The following MMD2 variants were observed in gnomAD, a reference collection of about 807,000 sequenced individuals.
MMD2 encodes monocyte to macrophage differentiation factor 2.
MMD2 carries 30 observed loss-of-function variants against 33.5 expected under a neutral mutation model. That is an observed-to-expected ratio of 0.90 (90% confidence interval 0.67 to 1.22). MMD2 has a LOEUF of 1.22. Among genes scored for constraint, MMD2 ranks in the 50% most tolerant of loss-of-function variants. The pLI, the probability that MMD2 is intolerant of heterozygous loss-of-function variation, is 0.00. For synonymous variants in MMD2, 129 were observed against 123.0 expected, an observed-to-expected ratio of 1.05 and a Z score of -0.32; for missense variants, 364 against 325.4, an observed-to-expected ratio of 1.12 and a Z score of -0.91.
Position 4,929,284 on chromosome 7 carries a change from G to A in MMD2, c.48-3752C>T, listed in dbSNP as rs200575651. The stretch of plus-strand genomic sequence containing the variant: ...CTAAGACCCCTGGGGCCAGGCTTCT[G>A]CAGCAAGCCAGAGAGACACCAACCC... On this transcript the variant is annotated intron_variant, in intron 1 of 6. Coordinates refer to ENST00000401401, the MANE Select transcript of MMD2 (RefSeq NM_198403.4). Among the ~76,000 whole-genome samples, 12 of 152,210 alleles carry A rather than the reference G, an allele frequency of 7.9e-5. No homozygotes were observed. The South Asian group carries it at 1.7e-3, about 21-fold the overall frequency.
chr7:4,904,794 A>C (rs774739389), downstream of MMD2, among the ~76,000 whole-genome samples: 1 of 152,118 alleles, frequency 6.6e-6, no homozygotes, highest in Non-Finnish European at 1.5e-5. Flanking sequence ...ATTTGATCCC[A>C]AGTCCAGCAA....
chr7:4,953,171 C>G (rs1786295168), intron 1 of MMD2, among the ~76,000 whole-genome samples: 1 of 151,826 alleles, frequency 6.6e-6, no homozygotes, highest in African/African-American at 2.4e-5. Context: ...CCCATCTCAC[C>G]TGGACGTATT....
Position 4,907,288 on chromosome 7 carries a change from C to T in MMD2, c.*108G>A, listed in dbSNP as rs1784887015. 3.7e-6 allele frequency: 4 copies of T among 1,086,074 alleles called. No individual in the cohort carries two copies. The highest frequency in any genetic ancestry group is 4.1e-6 in the Non-Finnish European group (3 of 724,152). 67.3% of individuals were successfully genotyped at this position (1,086,074 alleles called of 1,614,324 possible). A position where few individuals can be genotyped will look rare whatever the true frequency, so the allele number is the denominator to read the frequency against. On this transcript the variant is annotated 3_prime_UTR_variant, in exon 7 of 7. Coordinates refer to ENST00000401401, the MANE Select transcript of MMD2 (RefSeq NM_198403.4). Reference sequence around the variant, plus strand: ...GAAGTCACCTTGGAGCCATCAAGAACTCTACCCAATAAAGGGAAGACAGGC... The same window carrying T: ...GAAGTCACCTTGGAGCCATCAAGAATTCTACCCAATAAAGGGAAGACAGGC...
Position 4,906,637 on chromosome 7 carries a change from C to T in MMD2, c.*759G>A, listed in dbSNP as rs780505198. ...GAACATCAGGGGCTGCATGGGTGTG[C>T]GCCTCAGTTTCCCTCTACCGCCCCC... is the stretch of plus-strand genomic sequence containing the variant. On this transcript the variant is annotated 3_prime_UTR_variant, in exon 7 of 7. Coordinates refer to ENST00000401401, the MANE Select transcript of MMD2 (RefSeq NM_198403.4). 2.0e-4 allele frequency: 79 copies of T among 398,092 alleles called. No individual in the cohort carries two copies. The highest frequency in any genetic ancestry group is 1.0e-3 in the South Asian group (8 of 7,788). 24.7% of individuals were successfully genotyped at this position (398,092 alleles called of 1,614,324 possible).
intron 4 of MMD2, among the ~76,000 whole-genome samples, chr7:4,914,785 G>A (rs58057613): frequency 1.3e-5 from 2 of 152,200 alleles, no homozygotes; most frequent in East Asian, 3.9e-4. Context: ...ACAAAAATTA[G>A]CAGGGTATGG....
intron 1 of MMD2, among the ~76,000 whole-genome samples, chr7:4,957,260 G>A (rs982028913): frequency 2.6e-5 from 4 of 151,724 alleles, no homozygotes; most frequent in Non-Finnish European, 5.9e-5. Flanking sequence ...CAGGAGGATC[G>A]CTCAAGCCCA....
chr7:4,932,129 T>C (rs987319954), intron 1 of MMD2, among the ~76,000 whole-genome samples: 1 of 152,194 alleles, frequency 6.6e-6, no homozygotes, highest in African/African-American at 2.4e-5. Flanking sequence ...CCCAGGGTGA[T>C]GTCACGGTTG....
chr7:4,951,236 C>T (rs1395427031), intron 1 of MMD2, among the ~76,000 whole-genome samples: 2 of 152,084 alleles, frequency 1.3e-5, no homozygotes, highest in African/African-American at 4.8e-5. Context: ...TAGCTTCTGT[C>T]CCTTTATTTT....
chr7:4,957,808 A>T (rs1231066215), intron 1 of MMD2, among the ~76,000 whole-genome samples: 1 of 152,188 alleles, frequency 6.6e-6, no homozygotes, highest in African/African-American at 2.4e-5. Context: ...AGGGGGAAAC[A>T]GAGGGTGAGA....
At chr7:4,893,438 C>T in the MMD2 span, among the ~76,000 whole-genome samples, 1 of 151,852 alleles carries the variant, frequency 6.6e-6, no homozygotes, top group South Asian at 2.1e-4. Context: ...GTCACTCAGG[C>T]TGGAGTGCAG....
chr7:4,905,294 A>AGAAGAG (rs60507729), downstream of MMD2, among the ~76,000 whole-genome samples: 29 of 148,346 alleles, frequency 2.0e-4, no homozygotes, highest in East Asian at 4.0e-4. This position sits in a 1 kb window ranked among gnomAD's most constrained non-coding sequence, Gnocchi z 5.0. Context: ...AAGAAGAAGA[A>AGAAGAG]GAAGAGGAAG....
At chr7:4,953,396 A>T (rs148219408) in intron 1 of MMD2, among the ~76,000 whole-genome samples, 40 of 149,406 alleles carry the variant, frequency 2.7e-4, no homozygotes, top group Middle Eastern at 3.4e-3. Flanking sequence ...ATAAAACCCA[A>T]TTCCAATTCT....
chr7:4,958,619 C>T (rs1018512379), intron 1 of MMD2, among the ~76,000 whole-genome samples: 1 of 152,214 alleles, frequency 6.6e-6, no homozygotes, highest in Non-Finnish European at 1.5e-5. Context: ...CTGGCCTGGG[C>T]TCCAGGCGCT....
At chr7:4,947,943 C>T (rs1786137303) in intron 1 of MMD2, among the ~76,000 whole-genome samples, 2 of 151,998 alleles carry the variant, frequency 1.3e-5, no homozygotes, top group Non-Finnish European at 2.9e-5. Context: ...GGTGATCCAC[C>T]CACCTCAGCC....
At chr7:4,921,358 C>T (rs1257453123) in intron 2 of MMD2, among the ~76,000 whole-genome samples, 1 of 152,012 alleles carries the variant, frequency 6.6e-6, no homozygotes, top group African/African-American at 2.4e-5. Context: ...CGGTGGCTCA[C>T]ACCTGTAATC....
At chr7:4,894,096 C>T in the MMD2 span, among the ~76,000 whole-genome samples, 4 of 152,106 alleles carry the variant, frequency 2.6e-5, no homozygotes, top group African/African-American at 9.7e-5. The surrounding 1 kb of genome is among the most constrained non-coding windows in gnomAD (Gnocchi z 4.3). Context: ...TACTCAGCCC[C>T]TATTCAAGAT....
At chr7:4,928,965 G>C (rs1785502872) in intron 1 of MMD2, among the ~76,000 whole-genome samples, 1 of 152,224 alleles carries the variant, frequency 6.6e-6, no homozygotes, top group Admixed American at 6.5e-5. Flanking sequence ...CCTTCTGTGT[G>C]CTAGCTGTAT....
At chr7:4,928,730 G>A (rs1785497056) in intron 1 of MMD2, among the ~76,000 whole-genome samples, 1 of 150,536 alleles carries the variant, frequency 6.6e-6, no homozygotes, top group Admixed American at 6.6e-5. Context: ...CACCCTCTGT[G>A]TGCTGGCTCC....
chr7:4,956,652 G>A (rs777238592), intron 1 of MMD2, among the ~76,000 whole-genome samples: 10 of 152,058 alleles, frequency 6.6e-5, no homozygotes, highest in Non-Finnish European at 8.8e-5. Flanking sequence ...AGCAGCCAGC[G>A]CAAGTGTCCA....
Sources: gnomAD v4.1 joint callset for allele counts (sites outside exome capture counted in the v4.1 genomes callset) on GRCh38, gnomAD v4.1.1 for gene constraint, Gnocchi (gnomAD v3.1) non-coding constraint, MANE v1.5 for transcripts, NCBI Gene and HGNC (gene_info 2026-07-23, HGNC 2026-07-21) for gene names.